Variants in ABCG8 observed in about 807,000 individuals in gnomAD.
ABCG8 encodes ATP binding cassette subfamily G member 8, also known as ATP-binding cassette sub-family G member 8.
A neutral mutation model predicts 71.3 loss-of-function variants in ABCG8; 81 were observed. The observed-to-expected ratio is 1.14, with a 90% CI of 0.95 to 1.37. The LOEUF (loss-of-function observed/expected upper bound fraction) is 1.37. Ranked by LOEUF, ABCG8 falls within the 40% of genes most tolerant of loss-of-function variation. ABCG8 has a pLI of 0.00. For synonymous variants in ABCG8, 451 were observed against 354.7 expected (o/e 1.27, Z -3.05); for missense variants, 1,119 against 866.2 (o/e 1.29, Z -3.66).
chr2:43,852,962 A>G (rs1352930940), intron 6 of ABCG8, 94 bp downstream of exon 6: 4 of 1,510,958 alleles, frequency 2.6e-6, no homozygotes, highest in Non-Finnish European at 3.6e-6. Flanking sequence ...TTCAGGGGAG[A>G]AACTCCCAGA....
chr2:43,850,909 C>CAAAAAAA (rs1164206598), intron 3 of ABCG8, among the ~76,000 whole-genome samples: 5 of 57,478 alleles, frequency 8.7e-5, no homozygotes, highest in Non-Finnish European at 7.2e-5. Flanking sequence ...GACTCTGTCT[C>CAAAAAAA]AAAAAAAAAA....
At chr2:43,851,869 G>A in intron 4 of ABCG8, 47 bp downstream of exon 4, 1 of 1,590,572 alleles carries the variant, frequency 6.3e-7, no homozygotes. Flanking sequence ...AGAAGCTACA[G>A]TGTCCATGCC....
chr2:43,859,783 G>A (rs1328217746), intron 6 of ABCG8, among the ~76,000 whole-genome samples: 4 of 149,496 alleles, frequency 2.7e-5, no homozygotes, highest in African/African-American at 7.4e-5. Flanking sequence ...CTCGCTTGCT[G>A]GATAAAACTC....
chr2:43,844,901 T>A (rs986044801), intron 2 of ABCG8, among the ~76,000 whole-genome samples: 5 of 152,086 alleles, frequency 3.3e-5, no homozygotes, highest in African/African-American at 1.2e-4. Flanking sequence ...TATTTTGAAA[T>A]AACTTTAGAT....
chr2:43,855,316 CTCTGGATAGAACTCTCACTA>C (rs1306715522), intron 6 of ABCG8, among the ~76,000 whole-genome samples: 1 of 152,118 alleles, frequency 6.6e-6, no homozygotes, highest in Non-Finnish European at 1.5e-5. Context: ...AATACTCACT[CTCTGGATAGAACTCTCACTA>C]TCTGGATAGA....
chr2:43,856,187 T>A (rs1669099592), intron 6 of ABCG8, among the ~76,000 whole-genome samples: 1 of 152,132 alleles, frequency 6.6e-6, no homozygotes, highest in East Asian at 1.9e-4. Flanking sequence ...ACTATCTATC[T>A]GAATAGAATT....
At chr2:43,862,604 CTCTCACTATATGGATAGTAT>C (rs1669365934) in intron 6 of ABCG8, among the ~76,000 whole-genome samples, 1 of 149,110 alleles carries the variant, frequency 6.7e-6, no homozygotes, top group East Asian at 2.0e-4. Flanking sequence ...CTGGAAACAA[CTCTCACTATATGGATAGTAT>C]TCTCACTATC....
rs1343405832 is a variant in ABCG8 at position 43,852,455 on chromosome 2, C to T, written c.663C>T (p.Val221=). 5 of 1,613,286 alleles carry T rather than the reference C, an allele frequency of 3.1e-6. No individual in the cohort carries two copies. Among genetic ancestry groups the T allele is most frequent in the Admixed American group, 1.7e-5 (1 of 60,010 alleles). The stretch of plus-strand genomic sequence containing the variant: ...TGTCGGGGGGTGAGCGCAGGAGAGT[C>T]AGCATTGGGGTGCAGCTCCTGTGGA... ...RGLSGGERRR[V]SIGVQLLWNP... is the part of the protein sequence containing the mutation. Residue 221 remains valine (V), a synonymous_variant, in exon 5 of 13, where the codon GTC becomes GTT. Transcript: ENST00000272286.
chr2:43,871,346 A>ATCTGGATAGAATGCTCACTC (rs1669764774), intron 6 of ABCG8, among the ~76,000 whole-genome samples: 1 of 140,644 alleles, frequency 7.1e-6, no homozygotes, highest in African/African-American at 2.7e-5. Flanking sequence ...AACTCTCACT[A>ATCTGGATAGAATGCTCACTC]TCTGGATAGA....
At chr2:43,844,657 A>G (rs774360290) in intron 2 of ABCG8, 49 bp downstream of exon 2, 1 of 1,466,614 alleles carries the variant, frequency 6.8e-7, no homozygotes, top group Non-Finnish European at 9.5e-7. Context: ...AGGGACAGCC[A>G]GGAAATTCCC....
chr2:43,872,910 C>T (rs998336474), intron 8 of ABCG8, among the ~76,000 whole-genome samples: 3 of 152,160 alleles, frequency 2.0e-5, no homozygotes, highest in Non-Finnish European at 4.4e-5. Flanking sequence ...TACCAGCCCT[C>T]AAAGAAAGCC....
chr2:43,858,975 ACTCT>A (rs1043728882), intron 6 of ABCG8, among the ~76,000 whole-genome samples: 12 of 149,400 alleles, frequency 8.0e-5, no homozygotes, highest in Non-Finnish European at 1.6e-4. Context: ...TAGAAGTCTC[ACTCT>A]CTGTCTGGCT....
intron 6 of ABCG8, among the ~76,000 whole-genome samples, chr2:43,862,959 C>A (rs1302692006): frequency 6.6e-6 from 1 of 151,200 alleles, no homozygotes; most frequent in Admixed American, 6.6e-5. Flanking sequence ...CTCTTACTAT[C>A]AATCTGGATA....
chr2:43,877,931 C>T lies in ABCG8; in HGVS notation c.*18C>T. ...ACTGGTGATTCACGCCAGACGTCTG[C>T]CCGCTGGTGGGGGACCTGAGCAGAC... On this transcript the variant is annotated 3_prime_UTR_variant, in exon 13 of 13. Transcript: ENST00000272286. 2 of 1,614,086 alleles carry T rather than the reference C, an allele frequency of 1.2e-6. No homozygotes were observed. The highest frequency in any genetic ancestry group is 1.7e-6 in the Non-Finnish European group (2 of 1,180,000).
At chr2:43,847,174 T>C (rs1377502114) in intron 3 of ABCG8, 2 of 152,262 alleles carry the variant, frequency 1.3e-5, no homozygotes, top group African/African-American at 4.8e-5. Context: ...CCTTACATAG[T>C]GCTGGAGAGA....
At position 43,871,988 on chromosome 2, in the gene ABCG8, G is replaced by A. The variant is rs202030766; in HGVS notation, c.977G>A (p.Ser326Asn). 22 of 1,614,070 alleles carry A rather than the reference G, an allele frequency of 1.4e-5. No individual in the cohort carries two copies. In the East Asian group the frequency reaches 4.0e-4, roughly 29 times the overall value. The change falls in exon 7 of 13, where the codon AGC becomes AAC. Residue 326 changes from serine to asparagine, a missense_variant. Coordinates refer to ENST00000272286, the MANE Select transcript of ABCG8 (RefSeq NM_022437.3). ...NPADFYVDLT[S>N]IDRRSREQEL... ...CCCCTGCTTGCAGTGGACCTGACCA[G>A]CATTGACAGGCGCAGCAGAGAGCAG...
Position 43,851,729 on chromosome 2 carries a change from G to A in ABCG8, c.468G>A (p.Gln156=). Residue 156 remains glutamine (Q), a synonymous_variant, in exon 4 of 13, where the codon CAG becomes CAA. Coordinates refer to ENST00000272286, the MANE Select transcript of ABCG8 (RefSeq NM_022437.3). ...KCVAHVRQHN[Q]LLPNLTVRET... ...TGGCCCACGTGCGCCAGCACAACCA[G>A]CTGCTCCCCAACTTGACTGTGCGAG... 1 of 1,614,260 alleles carries A rather than the reference G, an allele frequency of 6.2e-7. No homozygotes were observed. Among genetic ancestry groups the A allele is most frequent in the Non-Finnish European group, 8.5e-7 (1 of 1,180,042 alleles).
At chr2:43,860,790 C>A (rs1669286522) in intron 6 of ABCG8, among the ~76,000 whole-genome samples, 2 of 135,920 alleles carry the variant, frequency 1.5e-5, no homozygotes, top group South Asian at 2.5e-4. Flanking sequence ...GTATAGAATT[C>A]TCACCCTCTG....
At chr2:43,876,159 G>A (rs1346708739) in intron 11 of ABCG8, among the ~76,000 whole-genome samples, 1 of 152,088 alleles carries the variant, frequency 6.6e-6, no homozygotes, top group Non-Finnish European at 1.5e-5. Flanking sequence ...CTGAGCACGT[G>A]CAGGGATGCC....
Sources: gnomAD v4.1 joint callset for allele counts (sites outside exome capture counted in the v4.1 genomes callset) on GRCh38, gnomAD v4.1.1 for gene constraint, MANE v1.5 for transcripts, NCBI Gene and HGNC (gene_info 2026-07-23, HGNC 2026-07-21) for gene names.